Variants in ESPL1 observed in about 807,000 individuals in gnomAD.
ESPL1 encodes the protein separin.
A neutral mutation model predicts 217.2 loss-of-function variants in ESPL1; 50 were observed. The ratio of observed to expected loss-of-function variants is 0.23; its 90% CI spans 0.18 to 0.29. ESPL1 has a LOEUF of 0.29. Among genes scored for constraint, ESPL1 ranks in the 10% least tolerant of loss-of-function variants. The pLI is 1.00. For synonymous variants in ESPL1, 994 were observed against 1,081.3 expected (o/e 0.92, Z 1.58); for missense variants, 1,834 against 2,603.0 (o/e 0.70, Z 6.43).
At chr12:53,273,836 GTTTTTTTTTT>G (rs71096001) in intron 6 of ESPL1, among the ~76,000 whole-genome samples, 6 of 63,152 alleles carry the variant, frequency 9.5e-5, no homozygotes, top group African/African-American at 3.9e-4. Context: ...TGGTTTTTTG[GTTTTTTTTTT>G]TTTTTTTTTT....
chr12:53,277,673 C>A, intron 10 of ESPL1, 65 bp downstream of exon 10: 1 of 1,592,186 alleles, frequency 6.3e-7, no homozygotes, highest in Non-Finnish European at 8.6e-7. Flanking sequence ...ACAGGGACCC[C>A]TGGTGAGGGA....
rs772069685 is a variant in ESPL1 at position 53,269,984 on chromosome 12, G to A, written c.1042G>A (p.Glu348Lys). The A allele has an allele frequency of 1.2e-6, 2 of 1,614,078 alleles. No homozygotes were observed. The highest frequency in any genetic ancestry group is 8.5e-7 in the Non-Finnish European group (1 of 1,180,044). Reference sequence around the variant, plus strand: ...CTGCCAGTTCTTCCTTTCAGGCCTGGAACGAGGCACCAAGAGGCGCTATAG... The same window carrying A: ...CTGCCAGTTCTTCCTTTCAGGCCTGAAACGAGGCACCAAGAGGCGCTATAG... ...ESCQFFLSGLERGTKRRYRLD... is the reference protein window; with the variant it reads ...ESCQFFLSGLKRGTKRRYRLD... The change falls in exon 3 of 31, where the codon GAA (glutamate) becomes AAA (lysine). Residue 348 changes from glutamate (E) to lysine (K), a missense_variant. Glu to Lys is a moderately conservative substitution (Grantham distance 56). Around this residue, in one of 5 missense-constraint regions of ESPL1, gnomAD observed 746 missense variants for 1,077.0 expected, o/e 0.69. Transcript: ENST00000257934. The surrounding 1 kb of genome is among the most constrained non-coding windows in gnomAD (Gnocchi z 6.7).
rs746127072 is a variant in ESPL1 at position 53,286,865 on chromosome 12, G to A, written c.4129G>A (p.Val1377Ile). The A allele has an allele frequency of 3.1e-6, 5 of 1,613,322 alleles. No homozygotes were observed. Among genetic ancestry groups the A allele is most frequent in the Non-Finnish European group, 4.2e-6 (5 of 1,179,736 alleles). The change falls in exon 18 of 31, where the codon GTA becomes ATA. Residue 1377 changes from valine to isoleucine, a missense_variant. Physicochemically the swap from Val to Ile is conservative, Grantham distance 29. Around this residue, in one of 5 missense-constraint regions of ESPL1, gnomAD observed 681 missense variants for 808.0 expected, o/e 0.84. Transcript: ENST00000257934. The surrounding 1 kb of genome is among the most constrained non-coding windows in gnomAD (Gnocchi z 5.3). ...CTGCCCTACAGAGAGCAAGCCTGAA[G>A]TACCCCAGGCCCCCAGGGTACAACA... ...EVCPTESKPEVPQAPRVQQRV... is the reference protein window; with the variant it reads ...EVCPTESKPEIPQAPRVQQRV...
chr12:53,272,907 G>T (rs147028840), intron 6 of ESPL1, 50 bp downstream of exon 6: 24 of 1,596,534 alleles, frequency 1.5e-5, no homozygotes, highest in Admixed American at 5.1e-5. Context: ...GTTGGGGAGC[G>T]GGGGGAGCGG....
At position 53,290,440 on chromosome 12, in the gene ESPL1, G is replaced by A. The variant is rs1944033569; in HGVS notation, c.5335G>A (p.Gly1779Arg). ...SCTDKREWWT[G>R]RLALDHRMEV... Reference sequence around the variant, plus strand: ...TACTGACAAGCGAGAATGGTGGACAGGGCGGCTGGCACTGGACCACAGGAT... The same window carrying A: ...TACTGACAAGCGAGAATGGTGGACAAGGCGGCTGGCACTGGACCACAGGAT... Residue 1779 changes from glycine (G) to arginine (R), a missense_variant, in exon 24 of 31, where the codon GGG (glycine) becomes AGG (arginine). By Grantham distance (125) the Gly-to-Arg change is moderately radical. Coordinates refer to ENST00000257934, the MANE Select transcript of ESPL1 (RefSeq NM_012291.5). The A allele has an allele frequency of 1.9e-6, 3 of 1,613,166 alleles. No homozygotes were observed. The highest frequency in any genetic ancestry group is 2.5e-6 in the Non-Finnish European group (3 of 1,179,820).
intron 6 of ESPL1, among the ~76,000 whole-genome samples, chr12:53,273,845 T>TC (rs1565753044): frequency 9.6e-6 from 1 of 103,954 alleles, no homozygotes; most frequent in African/African-American, 3.8e-5. Context: ...GGTTTTTTTT[T>TC]TTTTTTTTTT....
In ESPL1 at chr12:53,283,515, A is replaced by G. The variant is rs1565759244; in HGVS notation, c.3054A>G (p.Thr1018=). 1.9e-6 allele frequency: 3 copies of G among 1,614,006 alleles called. No homozygotes were observed. The highest frequency in any genetic ancestry group is 1.7e-5 in the Admixed American group (1 of 59,982). The part of the protein sequence containing the change: ...KAFCLEALKL[T]TKLQIPRQCA... ...TTTGCTTGGAGGCCCTAAAACTTAC[A>G]ACAAAGCTGCAGATACCACGCCAGT... is the stretch of plus-strand genomic sequence containing the variant. The change falls in exon 16 of 31, where the codon ACA becomes ACG. Residue 1018 remains threonine, a synonymous_variant. Transcript: ENST00000257934.
intron 16 of ESPL1, among the ~76,000 whole-genome samples, chr12:53,283,747 C>T (rs1156500394): frequency 1.3e-5 from 2 of 152,144 alleles, no homozygotes; most frequent in Non-Finnish European, 1.5e-5. Context: ...CTTCAGTATG[C>T]GGATGTGCCT....
chr12:53,290,089 G>A lies in ESPL1; in HGVS notation c.5118G>A (p.Val1706=). ...QERLALIPSG[V]TVCVLALATL... ...TGGCTGTATCCTGTGTGTCAGGGGT[G>A]ACTGTGTGTGTGTTGGCCCTGGCCA... is the stretch of plus-strand genomic sequence containing the variant. The change falls in exon 23 of 31, where the codon GTG becomes GTA. Residue 1706 remains valine, a synonymous_variant. Coordinates refer to ENST00000257934, the MANE Select transcript of ESPL1 (RefSeq NM_012291.5). 4 of 1,612,488 alleles carry A rather than the reference G, an allele frequency of 2.5e-6. No individual in the cohort carries two copies. The highest frequency in any genetic ancestry group is 1.3e-5 in the African/African-American group (1 of 75,010).
chr12:53,280,720 G>T (rs952327315), intron 12 of ESPL1, among the ~76,000 whole-genome samples: 1 of 152,054 alleles, frequency 6.6e-6, no homozygotes, highest in African/African-American at 2.4e-5. Flanking sequence ...CAGGCTGAGC[G>T]CAGTGGCTCA....
rs563406109 is a variant in ESPL1, at chr12:53,274,905, C to A, written c.1595C>A (p.Ala532Glu). The A allele has an allele frequency of 1.2e-6, 2 of 1,605,762 alleles. No homozygotes were observed. Among genetic ancestry groups the A allele is most frequent in the African/African-American group, 1.3e-5 (1 of 74,876 alleles). ...TGCAAGATGGTGATTTTGTGGCTGGCAGCCCTGCAACCCTGTAGCCCTGAA... is the reference window on the plus strand; with the variant it reads ...TGCAAGATGGTGATTTTGTGGCTGGAAGCCCTGCAACCCTGTAGCCCTGAA... ...QGCKMVILWL[A>E]ALQPCSPEHM... Residue 532 changes from alanine to glutamate, a missense_variant, in exon 7 of 31, where the codon GCA (alanine) becomes GAA (glutamate). Ala to Glu is a moderately radical substitution (Grantham distance 107). Coordinates refer to ENST00000257934, the MANE Select transcript of ESPL1 (RefSeq NM_012291.5).
rs1198703500 is a variant in ESPL1, at chr12:53,269,161, C to T, written c.219C>T (p.Ser73=). The change falls in exon 3 of 31, where the codon AGC becomes AGT. Residue 73 remains serine (S), a synonymous_variant. Transcript: ENST00000257934. This position sits in a 1 kb window ranked among gnomAD's most constrained non-coding sequence, Gnocchi z 6.7. ...TAGCTTGCCCTAGGCATCTGGGGAG[C>T]CTGCTGGAGCTGGCAGAGCTGGCCT... ...AKLACPRHLG[S]LLELAELACD... is the part of the protein sequence containing the mutation. The T allele has an allele frequency of 3.7e-6, 6 of 1,614,084 alleles. No homozygotes were observed. In the African/African-American group the frequency reaches 6.7e-5, roughly 18 times the overall value.
intron 6 of ESPL1, among the ~76,000 whole-genome samples, chr12:53,273,200 A>G (rs919039730): frequency 6.6e-6 from 1 of 151,300 alleles, no homozygotes; most frequent in African/African-American, 2.4e-5. Context: ...CACCACGCCC[A>G]GCTAATTTTT....
At chr12:53,284,965 T>C (rs10876423) in intron 17 of ESPL1, among the ~76,000 whole-genome samples, 135,665 of 147,166 alleles carry the variant, frequency 0.92, 63,429 homozygotes, top group East Asian at 1. Flanking sequence ...TGAGGAAGAT[T>C]GCACCATTGC....
Position 53,291,981 on chromosome 12 carries a change from C to T in ESPL1, c.5692-3C>T. The T allele has an allele frequency of 1.2e-6, 2 of 1,613,418 alleles. No homozygotes were observed. The highest frequency in any genetic ancestry group is 1.7e-6 in the Non-Finnish European group (2 of 1,179,680). ...CAGTAACCTCTTAGTGCTTTTTGCC[C>T]AGGACTTGCAGAAGCTGCCGTGGGA... On this transcript the variant is annotated splice_region_variant and splice_polypyrimidine_tract_variant and intron_variant, in intron 26 of 30. Coordinates refer to ENST00000257934, the MANE Select transcript of ESPL1 (RefSeq NM_012291.5).
chr12:53,283,978 C>T (rs934265774), intron 16 of ESPL1, 80 bp from the exon 17 acceptor site: 35 of 1,085,932 alleles, frequency 3.2e-5, no homozygotes, highest in Middle Eastern at 2.1e-4. Context: ...GTAGCTTGGC[C>T]TGGGAAAGAG....
chr12:53,286,952 GA>G lies in ESPL1; in HGVS notation c.4176+41del. On this transcript the variant is annotated intron_variant, in intron 18 of 30. Transcript: ENST00000257934. This position sits in a 1 kb window ranked among gnomAD's most constrained non-coding sequence, Gnocchi z 5.3. ...TTGCTAGGTGGTGGTGATGGTGTTG[GA>G]TGGGGTTAGTCCTGGAGGAGAGTGT... 2 of 1,548,714 alleles carry G rather than the reference GA, an allele frequency of 1.3e-6. No homozygotes were observed. Among genetic ancestry groups the G allele is most frequent in the Non-Finnish European group, 1.7e-6 (2 of 1,148,374 alleles).
chr12:53,289,956 C>G, intron 22 of ESPL1, 129 bp from the exon 23 acceptor site: 1 of 1,015,134 alleles, frequency 9.9e-7, no homozygotes, highest in Non-Finnish European at 1.5e-6. Context: ...AGGGAGAGCA[C>G]CTTGACCTCT....
chr12:53,283,288 T>G (rs1609473), intron 15 of ESPL1, 31 bp downstream of exon 15: 1,600,769 of 1,613,922 alleles, frequency 0.99, 794,693 homozygotes, highest in East Asian at 1. Flanking sequence ...AGGGCCCTCT[T>G]GGAATGGACA....
Sources: allele counts gnomAD v4.1 joint callset (sites outside exome capture counted in the v4.1 genomes callset), GRCh38; gene constraint gnomAD v4.1.1; regional missense constraint gnomAD v4.1.1; non-coding constraint Gnocchi (gnomAD v3.1); transcripts MANE v1.5; gene names NCBI Gene and HGNC (gene_info 2026-07-23, HGNC 2026-07-21).